The following AFF2 variants were observed in gnomAD, a reference collection of about 807,000 sequenced individuals.
AFF2 encodes the protein AF4/FMR2 family member 2.
In AFF2, 14 loss-of-function variants were observed where a neutral mutation model predicts 76.9. That is an observed-to-expected ratio of 0.18 (90% confidence interval 0.12 to 0.28). AFF2 has a LOEUF of 0.28. Ranked by LOEUF, AFF2 falls within the 10% of genes least tolerant of loss-of-function variation. The pLI is 1.00. For synonymous variants in AFF2, 398 were observed against 366.7 expected (o/e 1.09, Z -0.98); for missense variants, 868 against 1,001.1 (o/e 0.87, Z 1.79).
chrX:148,567,645 G>A (rs1307709793), intron 1 of AFF2, among the ~76,000 whole-genome samples: 2 of 111,027 alleles, frequency 1.8e-5, no homozygotes, highest in Non-Finnish European at 3.8e-5. Context: ...CTTGAGTCTT[G>A]AGTCCTAAAA....
intron 3 of AFF2, among the ~76,000 whole-genome samples, chrX:148,663,315 G>A (rs948635147): frequency 3.6e-5 from 4 of 111,995 alleles, no homozygotes; most frequent in Admixed American, 9.5e-5. Context: ...GTTTTCTCCC[G>A]TATCCATCAA....
At chrX:148,621,347 T>C (rs1462018979) in intron 1 of AFF2, among the ~76,000 whole-genome samples, 3 of 111,650 alleles carry the variant, frequency 2.7e-5, no homozygotes, top group African/African-American at 6.5e-5. Context: ...GGATGACTTA[T>C]TGAAGTTCCA....
intron 3 of AFF2, among the ~76,000 whole-genome samples, chrX:148,791,401 G>A (rs1557269926): frequency 9.0e-6 from 1 of 111,586 alleles, no homozygotes; most frequent in East Asian, 2.8e-4. Context: ...GAACAGCACA[G>A]AAAAGACCTG....
At chrX:148,971,994 A>G (rs1397415691) in intron 15 of AFF2, among the ~76,000 whole-genome samples, 6 of 18,992 alleles carry the variant, frequency 3.2e-4, no homozygotes, top group Non-Finnish European at 4.6e-4. Context: ...TCATTGTTCA[A>G]TTCCCACCTA....
intron 15 of AFF2, among the ~76,000 whole-genome samples, chrX:148,971,747 C>CTTTTTTT (rs781928514): frequency 2.2e-5 from 1 of 44,731 alleles, no homozygotes; most frequent in Non-Finnish European, 3.8e-5. Flanking sequence ...TTTTCTATTT[C>CTTTTTTT]TTTTTTTTTT....
At chrX:148,830,933 G>GT (rs58830214) in intron 4 of AFF2, among the ~76,000 whole-genome samples, 1,424 of 110,237 alleles carry the variant, frequency 0.013, 30 homozygotes, top group African/African-American at 0.045. Flanking sequence ...ATCTACAACT[G>GT]TAAAAAAAAA....
chrX:148,967,561 T>G, intron 14 of AFF2, 68 bp from the exon 15 acceptor site: 10 of 995,088 alleles, frequency 1.0e-5, no homozygotes, highest in Non-Finnish European at 1.4e-5. Flanking sequence ...AGAAAAGGTT[T>G]GATGATTCAG....
At chrX:148,816,109 C>T (rs2070262051) in intron 4 of AFF2, among the ~76,000 whole-genome samples, 1 of 111,682 alleles carries the variant, frequency 9.0e-6, no homozygotes, top group Non-Finnish European at 1.9e-5. Flanking sequence ...CAGCTTCCAA[C>T]TGTTGTCTAA....
intron 1 of AFF2, among the ~76,000 whole-genome samples, chrX:148,619,014 A>G (rs1603260125): frequency 9.0e-6 from 1 of 111,317 alleles, no homozygotes; most frequent in East Asian, 2.9e-4. Flanking sequence ...GAGAACACCC[A>G]AGGACACCAG....
chrX:148,574,199 A>G (rs144155114), intron 1 of AFF2, among the ~76,000 whole-genome samples: 1,987 of 111,466 alleles, frequency 0.018, 20 homozygotes, highest in Non-Finnish European at 0.028. Context: ...ATCCTTGTCT[A>G]TAGTGTACTG....
chrX:148,886,690 C>G (rs1320644687), intron 8 of AFF2, among the ~76,000 whole-genome samples: 3 of 112,002 alleles, frequency 2.7e-5, no homozygotes, highest in African/African-American at 9.7e-5. Context: ...CACATTTTCT[C>G]CTTGAGAGAG....
chrX:148,709,672 C>A (rs1557262724), intron 3 of AFF2, among the ~76,000 whole-genome samples: 1 of 112,114 alleles, frequency 8.9e-6, no homozygotes, highest in African/African-American at 3.2e-5. Context: ...CACATACACA[C>A]ACTCGCAGGC....
At chrX:148,755,118 T>C (rs2055546688) in intron 3 of AFF2, among the ~76,000 whole-genome samples, 1 of 111,731 alleles carries the variant, frequency 9.0e-6, no homozygotes, top group African/African-American at 3.3e-5. Flanking sequence ...GCTTTTCATC[T>C]TGGCATCAGG....
At chrX:148,655,422 T>G (rs2054242199) in intron 2 of AFF2, among the ~76,000 whole-genome samples, 1 of 110,094 alleles carries the variant, frequency 9.1e-6, no homozygotes, top group African/African-American at 3.3e-5. Flanking sequence ...ATTACAGGTG[T>G]GCACCACCAT....
intron 3 of AFF2, among the ~76,000 whole-genome samples, chrX:148,736,742 T>A (rs1339636347): frequency 1.8e-5 from 2 of 112,262 alleles, no homozygotes; most frequent in Admixed American, 9.5e-5. Context: ...ATTTTTATAG[T>A]TTCAGGTCTT....
At chrX:148,920,033 C>T (rs2071575357) in intron 9 of AFF2, among the ~76,000 whole-genome samples, 1 of 112,123 alleles carries the variant, frequency 8.9e-6, no homozygotes, top group African/African-American at 3.2e-5. Flanking sequence ...TAGTCAATCA[C>T]ACTGTGATGT....
At chrX:148,628,980 C>T (rs2053954928) in intron 1 of AFF2, among the ~76,000 whole-genome samples, 1 of 111,238 alleles carries the variant, frequency 9.0e-6, no homozygotes, top group African/African-American at 3.3e-5. Context: ...ATTAGATATA[C>T]TGAAATAAAA....
chrX:148,986,320 C>G lies in AFF2; in HGVS notation c.3624-1047C>G, dbSNP rs181103251. On this transcript the variant is annotated intron_variant, in intron 19 of 20. Transcript: ENST00000370460. ...GTGTGACTGGAGGAGGAGAGAGAAC[C>G]AGAGGGGCACACAGACCTTGCTTTA... Among the ~76,000 whole-genome samples the G allele has an allele frequency of 2.2e-3, 242 of 112,220 alleles. 3 individuals are homozygous for G. The highest frequency in any genetic ancestry group is 0.021 in the Admixed American group (227 of 10,655).
At chrX:148,856,668 TC>T (rs2070789509) in intron 7 of AFF2, among the ~76,000 whole-genome samples, 1 of 111,793 alleles carries the variant, frequency 8.9e-6, no homozygotes, top group African/African-American at 3.2e-5. Flanking sequence ...TCCCAAAACA[TC>T]CTCTCACATT....
Sources: allele counts gnomAD v4.1 joint callset (sites outside exome capture counted in the v4.1 genomes callset), GRCh38; gene constraint gnomAD v4.1.1; transcripts MANE v1.5; gene names NCBI Gene and HGNC (gene_info 2026-07-23, HGNC 2026-07-21).